TLE6: variants seen among roughly 807,000 people sequenced by gnomAD.
The protein encoded by TLE6 is transducin-like enhancer protein 6.
Under a neutral mutation model 77.1 loss-of-function variants are expected in TLE6, and 72 were observed. The ratio of observed to expected loss-of-function variants is 0.93; its 90% CI spans 0.77 to 1.14. The LOEUF (loss-of-function observed/expected upper bound fraction) is 1.14, where lower values mean the gene tolerates loss of function less well. Ranked by LOEUF, TLE6 falls within the 50% of genes most tolerant of loss-of-function variation. TLE6 has a pLI of 0.00. For missense variants in TLE6, 843 were observed against 747.6 expected (o/e 1.13, Z -1.49); for synonymous variants, 366 against 287.3 (o/e 1.27, Z -2.77).
chr19:2,990,523 G>A (rs1380024712), intron 13 of TLE6, among the ~76,000 whole-genome samples: 1 of 150,632 alleles, frequency 6.6e-6, no homozygotes, highest in East Asian at 1.9e-4. Context: ...AGAATCCCTT[G>A]AACCCGGGAG....
intron 5 of TLE6, among the ~76,000 whole-genome samples, chr19:2,985,897 G>A (rs554222515): frequency 6.7e-6 from 1 of 150,098 alleles, no homozygotes; most frequent in East Asian, 2.0e-4. Context: ...CCAACATGGT[G>A]AAACCCTGTC....
intron 2 of TLE6, among the ~76,000 whole-genome samples, 185 bp from the exon 3 acceptor site, chr19:2,979,915 G>A (rs534258661): frequency 6.9e-6 from 1 of 145,056 alleles, no homozygotes; most frequent in African/African-American, 2.5e-5. Flanking sequence ...AGTGAGCTGA[G>A]ATTGTGCCAC....
rs747206884 is a variant in TLE6, at chr19:2,989,525, C to A, written c.994-10C>A. ...GGGGCGACAGCTCACAGTGACTCTGCCCATCCCAGACCCCTGGGGCCTTCC... is the reference window on the plus strand; with the variant it reads ...GGGGCGACAGCTCACAGTGACTCTGACCATCCCAGACCCCTGGGGCCTTCC... On this transcript the variant is annotated splice_polypyrimidine_tract_variant and intron_variant, in intron 12 of 16. Transcript: ENST00000246112. 1.9e-6 allele frequency: 3 copies of A among 1,607,144 alleles called. No homozygotes were observed. Among genetic ancestry groups the A allele is most frequent in the African/African-American group, 2.7e-5 (2 of 74,892 alleles).
At chr19:2,983,457 G>A (rs897642174) in intron 5 of TLE6, among the ~76,000 whole-genome samples, 5 of 152,112 alleles carry the variant, frequency 3.3e-5, no homozygotes, top group South Asian at 2.1e-4. Flanking sequence ...ACATCTGAGC[G>A]GAGGCTTAAA....
intron 11 of TLE6, among the ~76,000 whole-genome samples, chr19:2,988,679 G>C (rs1477851277): frequency 2.0e-5 from 3 of 152,132 alleles, no homozygotes; most frequent in Non-Finnish European, 4.4e-5. Flanking sequence ...TTTCATGGAA[G>C]GGGATGGGGT....
intron 14 of TLE6, among the ~76,000 whole-genome samples, chr19:2,992,796 G>C (rs1252238647): frequency 1.4e-5 from 1 of 70,588 alleles, no homozygotes; most frequent in African/African-American, 5.1e-5. Context: ...AAAAAAAAGG[G>C]GGGGAGGCGG....
intron 1 of TLE6, among the ~76,000 whole-genome samples, 184 bp downstream of exon 1, chr19:2,977,794 C>T (rs916398113): frequency 6.6e-6 from 1 of 152,128 alleles, no homozygotes; most frequent in African/African-American, 2.4e-5. Flanking sequence ...GCCTAATGCA[C>T]CTGGCTAACT....
rs530847253 is a variant in TLE6 at position 2,985,462 on chromosome 19, C to A, written c.223-1367C>A. Among the ~76,000 whole-genome samples, 10 of 132,694 alleles carry A rather than the reference C, an allele frequency of 7.5e-5. No homozygotes were observed. The East Asian group carries it at 2.3e-3, about 30-fold the overall frequency. 87.1% of individuals were successfully genotyped at this position (132,694 alleles called of 152,430 possible). On this transcript the variant is annotated intron_variant, in intron 5 of 16. Transcript: ENST00000246112. ...TGTCACCCAGGCTGGAGTGCGGTGG[C>A]ATCATCTCGCATCTGGGCTCACTGC...
At position 2,994,008 on chromosome 19, in the gene TLE6, A is replaced by C. The variant is rs755207966; in HGVS notation, c.1538-11A>C. ...TGGTTCTAAGTCTCGCTGATGCTCC[A>C]TTTCTCCCAGGCCAGTGGTGGGCAA... is the stretch of plus-strand genomic sequence containing the variant. On this transcript the variant is annotated splice_polypyrimidine_tract_variant and intron_variant, in intron 15 of 16. Transcript: ENST00000246112. The C allele has an allele frequency of 3.8e-6, 6 of 1,599,840 alleles. No homozygotes were observed. The African/African-American group carries it at 8.1e-5, about 22-fold the overall frequency.
intron 14 of TLE6, among the ~76,000 whole-genome samples, chr19:2,992,396 C>T (rs545401562): frequency 5.9e-5 from 9 of 152,130 alleles, no homozygotes; most frequent in South Asian, 4.1e-4. Context: ...CGCTTAAACC[C>T]GGGAGGTGGA....
chr19:2,981,463 G>GTT, intron 3 of TLE6, 75 bp from the exon 4 acceptor site: 1 of 1,481,004 alleles, frequency 6.8e-7, no homozygotes, highest in Non-Finnish European at 9.2e-7. Flanking sequence ...CTCCCTAGGG[G>GTT]TTGAGGGTGG....
rs1402641492 is a variant in TLE6, at chr19:2,994,028, G to A, written c.1547G>A (p.Trp516Ter). 1.2e-6 allele frequency: 2 copies of A among 1,605,780 alleles called. No individual in the cohort carries two copies. Among genetic ancestry groups the A allele is most frequent in the Non-Finnish European group, 8.5e-7 (1 of 1,176,870 alleles). ...GCTCCATTTCTCCCAGGCCAGTGGT[G>A]GGCAAGCGTTGGAATGGACGACTTC... ...SVKFSPFGQW[W>*]ASVGMDDFLG... The change falls in exon 16 of 17, where the codon TGG (tryptophan) becomes TAG (stop). Residue 516 changes from tryptophan to a stop codon, truncating the protein, a stop_gained. Transcript: ENST00000246112. LOFTEE classifies it high-confidence loss of function.
intron 3 of TLE6, 21 bp downstream of exon 3, chr19:2,980,203 C>G: frequency 1.9e-6 from 3 of 1,540,216 alleles, no homozygotes; most frequent in Non-Finnish European, 2.6e-6. Flanking sequence ...TTCCAGGGGC[C>G]GGAGGTCTCA....
At chr19:2,979,435 C>T (rs757319755) in intron 2 of TLE6, among the ~76,000 whole-genome samples, 2 of 151,508 alleles carry the variant, frequency 1.3e-5, no homozygotes, top group Non-Finnish European at 2.9e-5. Flanking sequence ...TCAGTAGAGA[C>T]GGGGTTTTGC....
In TLE6 at chr19:2,989,646, C is replaced by A; in HGVS notation, c.1105C>A (p.Leu369Met). 1 of 1,614,216 alleles carries A rather than the reference C, an allele frequency of 6.2e-7. No individual in the cohort carries two copies. Among genetic ancestry groups the A allele is most frequent in the Non-Finnish European group, 8.5e-7 (1 of 1,180,038 alleles). ...CGTGTGGGACCTGGCGGCGCCCTCC[C>A]TGCATGTGAAGGAGCAGTTGCCCTG... ...VSVWDLAAPS[L>M]HVKEQLPCAG... The change falls in exon 13 of 17, where the codon CTG becomes ATG. Residue 369 changes from leucine (L) to methionine (M), a missense_variant. Leu to Met is a conservative substitution (Grantham distance 15). Transcript: ENST00000246112.
intron 14 of TLE6, among the ~76,000 whole-genome samples, chr19:2,992,370 G>C (rs1159379620): frequency 6.6e-6 from 1 of 152,172 alleles, no homozygotes; most frequent in Non-Finnish European, 1.5e-5. Context: ...TAGTCGGGAG[G>C]CTGAGGCAGG....
chr19:2,986,818 C>T lies in TLE6; in HGVS notation c.223-11C>T. 1 of 1,551,576 alleles carries T rather than the reference C, an allele frequency of 6.4e-7. No homozygotes were observed. Among genetic ancestry groups the T allele is most frequent in the South Asian group, 1.2e-5 (1 of 84,056 alleles). On this transcript the variant is annotated splice_polypyrimidine_tract_variant and intron_variant, in intron 5 of 16. Transcript: ENST00000246112. ...CAACATTTAACTGTTTTGCTGCCAA[C>T]CTCCTTCTAGATAGGAAACGTCTTA... is the stretch of plus-strand genomic sequence containing the variant.
At chr19:2,978,463 G>C (rs1054723668) in intron 2 of TLE6, among the ~76,000 whole-genome samples, 179 bp downstream of exon 2, 44 of 152,138 alleles carry the variant, frequency 2.9e-4, no homozygotes, top group African/African-American at 1.0e-3. Context: ...AAAAAATTAA[G>C]TGTAGGCTGG....
At chr19:2,990,067 A>ACT (rs2089010508) in intron 13 of TLE6, among the ~76,000 whole-genome samples, 1 of 151,932 alleles carries the variant, frequency 6.6e-6, no homozygotes, top group Admixed American at 6.6e-5. Flanking sequence ...ACAGCCCCAA[A>ACT]CTCAAAGGCT....
Sources: allele counts gnomAD v4.1 joint callset (sites outside exome capture counted in the v4.1 genomes callset), GRCh38; gene constraint gnomAD v4.1.1; transcripts MANE v1.5; gene names NCBI Gene and HGNC (gene_info 2026-07-23, HGNC 2026-07-21).